Variants in ASZ1 observed in about 807,000 individuals in gnomAD.
The protein encoded by ASZ1 is ankyrin repeat, SAM and basic leucine zipper domain containing 1, also known as ankyrin repeat, SAM and basic leucine zipper domain-containing protein 1.
ASZ1 carries 67 observed loss-of-function variants against 61.8 expected under a neutral mutation model. That is an observed-to-expected ratio of 1.08 (90% CI 0.89 to 1.33). The LOEUF (loss-of-function observed/expected upper bound fraction) is 1.33. Among genes scored for constraint, ASZ1 ranks in the 40% most tolerant of loss-of-function variants. The pLI, the probability that ASZ1 is intolerant of heterozygous loss-of-function variation, is 0.00. For missense variants in ASZ1, 577 were observed against 554.5 expected (o/e 1.04, Z -0.41); for synonymous variants, 193 against 192.7 (o/e 1.00, Z -0.01).
chr7:117,388,757 C>T (rs1057460315), intron 4 of ASZ1, among the ~76,000 whole-genome samples: 3 of 152,078 alleles, frequency 2.0e-5, no homozygotes, highest in Admixed American at 2.0e-4. Flanking sequence ...CACATTTCTA[C>T]CCAACATTGT....
chr7:117,388,509 CA>C (rs1200187503), intron 4 of ASZ1, among the ~76,000 whole-genome samples: 2 of 152,038 alleles, frequency 1.3e-5, no homozygotes, highest in African/African-American at 4.8e-5. Context: ...AAACATCAAT[CA>C]ATATAATGTA....
intron 4 of ASZ1, among the ~76,000 whole-genome samples, chr7:117,411,648 A>G (rs1345887721): frequency 1.3e-5 from 2 of 151,868 alleles, no homozygotes; most frequent in Non-Finnish European, 1.5e-5. Flanking sequence ...ATTAACGCGT[A>G]CCAAGGATAT....
At chr7:117,403,650 C>T (rs1178349981) in intron 4 of ASZ1, among the ~76,000 whole-genome samples, 1 of 152,114 alleles carries the variant, frequency 6.6e-6, no homozygotes, top group African/African-American at 2.4e-5. Context: ...ATTTATACCT[C>T]ATTCCCCATC....
At chr7:117,413,245 A>C (rs1796929723) in intron 4 of ASZ1, among the ~76,000 whole-genome samples, 1 of 151,984 alleles carries the variant, frequency 6.6e-6, no homozygotes, top group Non-Finnish European at 1.5e-5. Context: ...GATCCTGTTC[A>C]GATTAAACTG....
chr7:117,401,979 TG>T (rs773132581), intron 4 of ASZ1, among the ~76,000 whole-genome samples: 9 of 152,272 alleles, frequency 5.9e-5, no homozygotes, highest in Non-Finnish European at 1.2e-4. Flanking sequence ...ATTTTTATCA[TG>T]TTTTTTTTGA....
At chr7:117,398,174 G>A (rs113753869) in intron 4 of ASZ1, among the ~76,000 whole-genome samples, 3 of 152,074 alleles carry the variant, frequency 2.0e-5, no homozygotes, top group African/African-American at 7.2e-5. Context: ...GTGCTATCTC[G>A]CTTCAATATA....
At chr7:117,366,624 A>G (rs991305563) in intron 12 of ASZ1, among the ~76,000 whole-genome samples, 1 of 151,782 alleles carries the variant, frequency 6.6e-6, no homozygotes, top group African/African-American at 2.4e-5. Context: ...TAAAGTGGAA[A>G]AATCACCTGT....
At chr7:117,386,685 A>G (rs1006061772) in intron 4 of ASZ1, among the ~76,000 whole-genome samples, 2 of 152,198 alleles carry the variant, frequency 1.3e-5, no homozygotes, top group African/African-American at 4.8e-5. Context: ...GATCTTACCA[A>G]GAAAGTTTTT....
chr7:117,380,452 T>A (rs1348279705), intron 9 of ASZ1, among the ~76,000 whole-genome samples: 2 of 151,844 alleles, frequency 1.3e-5, no homozygotes, highest in Non-Finnish European at 3.0e-5. Context: ...AACTAAATTT[T>A]CTATACTGGA....
At position 117,407,913 on chromosome 7, in the gene ASZ1, G is replaced by C. The variant is rs572029802; in HGVS notation, c.440+12250C>G. Among the ~76,000 whole-genome samples, 3 of 152,278 alleles carry C rather than the reference G, an allele frequency of 2.0e-5. No individual in the cohort carries two copies. In the South Asian group the frequency reaches 6.2e-4, roughly 32 times the overall value. On this transcript the variant is annotated intron_variant, in intron 4 of 12. Coordinates refer to ENST00000284629, the MANE Select transcript of ASZ1 (RefSeq NM_130768.3). ...AATGTAGATGACGAACGGGCAGTTA[G>C]TGTGTATAGAGTCTTCGTCCAGATA...
chr7:117,424,323 C>A (rs1483774539), intron 2 of ASZ1, among the ~76,000 whole-genome samples: 1 of 152,056 alleles, frequency 6.6e-6, no homozygotes, highest in Non-Finnish European at 1.5e-5. Flanking sequence ...ACAATAATGA[C>A]TTTGAAAGGC....
At chr7:117,368,347 A>G (rs896603635) in intron 11 of ASZ1, 43 of 1,090,420 alleles carry the variant, frequency 3.9e-5, no homozygotes, top group Non-Finnish European at 4.4e-5. Context: ...TTTAAAAAAG[A>G]ACACATGGTA....
In ASZ1 at chr7:117,422,289, T is replaced by A; in HGVS notation, c.276A>T (p.Ala92=). The A allele has an allele frequency of 6.2e-7, 1 of 1,613,968 alleles. No homozygotes were observed. The highest frequency in any genetic ancestry group is 8.5e-7 in the Non-Finnish European group (1 of 1,179,878). Reference sequence around the variant, plus strand: ...TGTCCAAAAGGACCCGAACCAGCTCTGCATTGGCAACACTAGCAGCATACA... The same window carrying A: ...TGTCCAAAAGGACCCGAACCAGCTCAGCATTGGCAACACTAGCAGCATACA... ...PLMYAASVAN[A]ELVRVLLDRG... Residue 92 remains alanine (A), a synonymous_variant, in exon 3 of 13, where the codon GCA becomes GCT. Coordinates refer to ENST00000284629, the MANE Select transcript of ASZ1 (RefSeq NM_130768.3).
chr7:117,383,969 A>G (rs1302531578), intron 6 of ASZ1, among the ~76,000 whole-genome samples: 2 of 152,072 alleles, frequency 1.3e-5, no homozygotes, highest in Admixed American at 1.3e-4. Context: ...TTAAAAGGTT[A>G]GAGGAAGTTA....
intron 8 of ASZ1, among the ~76,000 whole-genome samples, chr7:117,381,739 A>T (rs977934054): frequency 6.6e-6 from 1 of 152,162 alleles, no homozygotes; most frequent in South Asian, 2.1e-4. Context: ...CAAGAATCTG[A>T]TACCAGGTGT....
Position 117,427,046 on chromosome 7 carries a change from T to C in ASZ1, c.106-111A>G, listed in dbSNP as rs759883907. ...CACAGGTTTTTTTTCTTGGCTTTATTTTGACTAAGATACAAAGTTTGAAAA... is the reference window on the plus strand; with the variant it reads ...CACAGGTTTTTTTTCTTGGCTTTATCTTGACTAAGATACAAAGTTTGAAAA... On this transcript the variant is annotated intron_variant, in intron 1 of 12. Transcript: ENST00000284629. 8.0e-5 allele frequency: 91 copies of C among 1,139,946 alleles called. No homozygotes were observed. The Admixed American group carries it at 1.6e-3, about 20-fold the overall frequency. The allele number at this position is 1,139,946 out of a possible 1,614,324, so 70.6% of individuals were successfully genotyped here.
Position 117,412,039 on chromosome 7 carries a change from A to AGTGTGTGT in ASZ1, c.440+8116_440+8123dup, listed in dbSNP as rs57672347. Among the ~76,000 whole-genome samples, 277 of 128,432 alleles carry AGTGTGTGT rather than the reference A, an allele frequency of 2.2e-3. 2 individuals are homozygous for AGTGTGTGT. Among genetic ancestry groups the AGTGTGTGT allele is most frequent in the African/African-American group, 4.5e-3 (165 of 36,732 alleles). 84.3% of individuals were successfully genotyped at this position (128,432 alleles called of 152,430 possible). On this transcript the variant is annotated intron_variant, in intron 4 of 12. Transcript: ENST00000284629. ...GAAAGATCCCAAACAAGTGAAAAGA[A>AGTGTGTGT]GTGTGTGTGTGTGTGTGTGTGTGTG... is the stretch of plus-strand genomic sequence containing the variant.
At chr7:117,412,364 AAAT>A (rs1796913786) in intron 4 of ASZ1, among the ~76,000 whole-genome samples, 1 of 151,938 alleles carries the variant, frequency 6.6e-6, no homozygotes, top group Admixed American at 6.6e-5. Flanking sequence ...ATTCTTTATG[AAAT>A]AATATTTTTG....
At chr7:117,412,830 C>A (rs1796922358) in intron 4 of ASZ1, among the ~76,000 whole-genome samples, 1 of 151,360 alleles carries the variant, frequency 6.6e-6, no homozygotes, top group African/African-American at 2.4e-5. Context: ...GGGAAACGCA[C>A]AATTTCTAAA....
Sources: gnomAD v4.1 joint callset for allele counts (sites outside exome capture counted in the v4.1 genomes callset) on GRCh38, gnomAD v4.1.1 for gene constraint, MANE v1.5 for transcripts, NCBI Gene and HGNC (gene_info 2026-07-23, HGNC 2026-07-21) for gene names.